Variants in RNF111 observed in about 807,000 individuals in gnomAD.
RNF111 encodes the protein ring finger protein 111, also known as E3 ubiquitin-protein ligase Arkadia.
Under a neutral mutation model 95.1 loss-of-function variants are expected in RNF111, and 17 were observed. The observed-to-expected ratio is 0.18, with a 90% CI of 0.12 to 0.27. The LOEUF (loss-of-function observed/expected upper bound fraction) is 0.27, where lower values mean the gene tolerates loss of function less well. Among genes scored for constraint, RNF111 ranks in the 10% least tolerant of loss-of-function variants. RNF111 has a pLI of 1.00. For missense variants in RNF111, 1,189 were observed against 1,210.4 expected, an observed-to-expected ratio of 0.98 and a Z score of 0.26; for synonymous variants, 440 against 414.8, an observed-to-expected ratio of 1.06 and a Z score of -0.74.
intron 2 of RNF111, among the ~76,000 whole-genome samples, chr15:59,048,757 A>G (rs1163567799): frequency 2.0e-5 from 3 of 152,192 alleles, no homozygotes; most frequent in Non-Finnish European, 4.4e-5. Context: ...AAACCATTTT[A>G]ACTATTTTTA....
At chr15:59,037,233 T>G (rs1356347905) in intron 2 of RNF111, among the ~76,000 whole-genome samples, 5 of 152,194 alleles carry the variant, frequency 3.3e-5, no homozygotes, top group Non-Finnish European at 7.3e-5. Flanking sequence ...TTCTATTATG[T>G]GTAGAAAGCC....
At chr15:59,035,857 A>G (rs182000601) in intron 2 of RNF111, among the ~76,000 whole-genome samples, 19 of 152,266 alleles carry the variant, frequency 1.2e-4, no homozygotes, top group African/African-American at 3.6e-4. Flanking sequence ...CCATTCAACA[A>G]GTCTCTAGGA....
At chr15:59,080,888 T>G in intron 7 of RNF111, 48 bp from the exon 8 acceptor site, 1 of 1,401,978 alleles carries the variant, frequency 7.1e-7, no homozygotes, top group African/African-American at 1.4e-5. Context: ...CAATATATGT[T>G]CAACTGCATG....
rs554021078 is a variant in RNF111 at position 59,096,270 on chromosome 15, C to T, written c.*1370C>T. 1.0e-5 allele frequency: 4 copies of T among 387,540 alleles called. No individual in the cohort carries two copies. Among genetic ancestry groups the T allele is most frequent in the Non-Finnish European group, 1.8e-5 (4 of 219,386 alleles). 24.0% of individuals were successfully genotyped at this position (387,540 alleles called of 1,614,324 possible). ...GCCTAATTTTATTTGTTTAAATATG[C>T]TTAATATGCCCCAGATTGCAAATGC... On this transcript the variant is annotated 3_prime_UTR_variant, in exon 14 of 14. Coordinates refer to ENST00000348370, the MANE Select transcript of RNF111 (RefSeq NM_017610.8).
intron 1 of RNF111, among the ~76,000 whole-genome samples, chr15:59,002,305 T>G (rs2039356980): frequency 1.3e-5 from 2 of 152,222 alleles, no homozygotes; most frequent in African/African-American, 4.8e-5. Flanking sequence ...AGATCAACTC[T>G]TAAACTTCTT....
chr15:59,045,326 G>C (rs1441726992), intron 2 of RNF111, among the ~76,000 whole-genome samples: 1 of 151,942 alleles, frequency 6.6e-6, no homozygotes, highest in East Asian at 1.9e-4. Flanking sequence ...GAGTAGCTGG[G>C]ACTACAGGCA....
intron 8 of RNF111, among the ~76,000 whole-genome samples, chr15:59,082,395 A>G (rs984472983): frequency 6.6e-5 from 10 of 152,254 alleles, no homozygotes; most frequent in African/African-American, 2.4e-4. Flanking sequence ...AAGATATCAA[A>G]GATTTGAATG....
At chr15:59,091,744 C>T (rs1308687659) in intron 12 of RNF111, among the ~76,000 whole-genome samples, 2 of 152,134 alleles carry the variant, frequency 1.3e-5, no homozygotes, top group Non-Finnish European at 2.9e-5. Context: ...CACCAGGGAC[C>T]AGTTTTCATG....
At chr15:59,029,887 T>C (rs2040820194) in intron 1 of RNF111, among the ~76,000 whole-genome samples, 1 of 152,252 alleles carries the variant, frequency 6.6e-6, no homozygotes, top group African/African-American at 2.4e-5. Context: ...AATAAAAACT[T>C]GTTAAAAATA....
In RNF111 at chr15:59,046,018, A is replaced by G. The variant is rs182406478; in HGVS notation, c.881-6287A>G. Among the ~76,000 whole-genome samples the G allele has an allele frequency of 2.1e-3, 321 of 152,320 alleles. 3 individuals carry two copies. The highest frequency in any genetic ancestry group is 3.4e-4 in the Non-Finnish European group (23 of 68,034). On this transcript the variant is annotated intron_variant, in intron 2 of 13. Coordinates refer to ENST00000348370, the MANE Select transcript of RNF111 (RefSeq NM_017610.8). ...TAAAAACCACTTCAAATATTTTCAC[A>G]TCTCATAACTCCTAATAAATGTTAT...
intron 13 of RNF111, among the ~76,000 whole-genome samples, chr15:59,093,079 G>T (rs1395658561): frequency 2.6e-5 from 4 of 152,192 alleles, no homozygotes; most frequent in Non-Finnish European, 5.9e-5. Context: ...TTTCTGGCAC[G>T]TAGAACTGGC....
rs1022470273 is a variant in RNF111 at position 59,097,104 on chromosome 15, G to A, written c.*2204G>A. On this transcript the variant is annotated 3_prime_UTR_variant, in exon 14 of 14. Coordinates refer to ENST00000348370, the MANE Select transcript of RNF111 (RefSeq NM_017610.8). ...TATTAAGCTACTGCCATTAGTTATC[G>A]AAAAATGTGATAAGTAATGAAGAAA... 9 of 152,234 alleles carry A rather than the reference G, an allele frequency of 5.9e-5. No homozygotes were observed. In the East Asian group the frequency reaches 9.6e-4, roughly 16 times the overall value. The allele number at this position is 152,234 out of a possible 1,614,324, so 9.4% of individuals were successfully genotyped here.
chr15:59,041,524 G>A (rs566422280), intron 2 of RNF111, among the ~76,000 whole-genome samples: 27 of 152,174 alleles, frequency 1.8e-4, no homozygotes, highest in African/African-American at 6.0e-4. Context: ...TTGTGCCACT[G>A]CACTCCAGCC....
At chr15:58,991,859 T>C (rs1198910874) in intron 1 of RNF111, among the ~76,000 whole-genome samples, 2 of 152,230 alleles carry the variant, frequency 1.3e-5, no homozygotes, top group African/African-American at 4.8e-5. Context: ...AAACCAATTG[T>C]AGAAAGTCAT....
At chr15:58,990,226 T>G (rs1285705988) in intron 1 of RNF111, among the ~76,000 whole-genome samples, 3 of 152,220 alleles carry the variant, frequency 2.0e-5, no homozygotes, top group African/African-American at 7.2e-5. Flanking sequence ...TCGTTTTCTT[T>G]AGGTCCCAAA....
chr15:59,028,781 AT>A (rs34725448), intron 1 of RNF111, among the ~76,000 whole-genome samples: 156 of 147,198 alleles, frequency 1.1e-3, no homozygotes, highest in Middle Eastern at 3.5e-3. Flanking sequence ...TTTGTGTTTA[AT>A]TTTTTTTTTT....
At chr15:59,025,123 G>T (rs1162179221) in intron 1 of RNF111, among the ~76,000 whole-genome samples, 12 of 152,150 alleles carry the variant, frequency 7.9e-5, no homozygotes, top group African/African-American at 2.9e-4. Context: ...ATGCTGTTAC[G>T]ATCCGCCCTC....
At chr15:59,039,874 G>C (rs2041363705) in intron 2 of RNF111, among the ~76,000 whole-genome samples, 1 of 151,938 alleles carries the variant, frequency 6.6e-6, no homozygotes. Context: ...ATGCCACCGT[G>C]CCCAGCTAAT....
rs1355372277 is a variant in RNF111, at chr15:59,009,914, C to CCATT, written c.-19-20889_-19-20886dup. Among the ~76,000 whole-genome samples the CCATT allele has an allele frequency of 7.2e-5, 11 of 152,206 alleles. No homozygotes were observed. In the East Asian group the frequency reaches 1.9e-3, roughly 27 times the overall value. On this transcript the variant is annotated intron_variant, in intron 1 of 13. Transcript: ENST00000348370. ...AAGGCTGCAGTGAGCTGTGATCCTG[C>CCATT]CATTGTGCTCCAGCCTGGGCAAAAG...
Sources: allele counts gnomAD v4.1 joint callset (sites outside exome capture counted in the v4.1 genomes callset), GRCh38; gene constraint gnomAD v4.1.1; transcripts MANE v1.5; gene names NCBI Gene and HGNC (gene_info 2026-07-23, HGNC 2026-07-21).